Variants in RNF139 observed in about 807,000 individuals in gnomAD.
RNF139 encodes the protein E3 ubiquitin-protein ligase RNF139.
Under a neutral mutation model 49.5 loss-of-function variants are expected in RNF139, and 15 were observed. The ratio of observed to expected loss-of-function variants is 0.30; its 90% confidence interval spans 0.20 to 0.47. The LOEUF is 0.47. Among genes scored for constraint, RNF139 ranks in the 20% least tolerant of loss-of-function variants. The pLI is 1.00. For synonymous variants in RNF139, 325 were observed against 300.9 expected, an observed-to-expected ratio of 1.08 and a Z score of -0.83; for missense variants, 619 against 806.3, an observed-to-expected ratio of 0.77 and a Z score of 2.81.
intron 1 of RNF139, among the ~76,000 whole-genome samples, chr8:124,481,879 AAG>A (rs1816417374): frequency 3.9e-5 from 6 of 152,178 alleles, no homozygotes; most frequent in Non-Finnish European, 8.8e-5. Context: ...GGCCATGAGA[AAG>A]ATGATTACTT....
chr8:124,483,031 AT>A (rs1467973529), intron 1 of RNF139, among the ~76,000 whole-genome samples: 1 of 97,112 alleles, frequency 1.0e-5, no homozygotes, highest in Non-Finnish European at 1.9e-5. Context: ...ATATTTAAAT[AT>A]ATATATATTT....
chr8:124,475,243 G>A lies in RNF139; in HGVS notation c.134G>A (p.Ser45Asn). ...ATCTTCAACTCCTACCCGGATTCCAGCCAAAGCCGGTTCTGCATCGTGCTC... is the reference window on the plus strand; with the variant it reads ...ATCTTCAACTCCTACCCGGATTCCAACCAAAGCCGGTTCTGCATCGTGCTC... ...DAIFNSYPDSSQSRFCIVLQI... is the reference protein window; with the variant it reads ...DAIFNSYPDSNQSRFCIVLQI... Residue 45 changes from serine to asparagine, a missense_variant, in exon 1 of 2, where the codon AGC becomes AAC. By Grantham distance (46) the Ser-to-Asn change is conservative. Coordinates refer to ENST00000303545, the MANE Select transcript of RNF139 (RefSeq NM_007218.4). The A allele has an allele frequency of 6.2e-7, 1 of 1,613,668 alleles. No individual in the cohort carries two copies. Among genetic ancestry groups the A allele is most frequent in the African/African-American group, 1.3e-5 (1 of 75,014 alleles).
rs1816485487 is a variant in RNF139, at chr8:124,483,569, G to C, written c.182-2262G>C. Among the ~76,000 whole-genome samples the C allele has an allele frequency of 1.3e-5, 2 of 151,950 alleles. 1 individual carries two copies. The highest frequency in any genetic ancestry group is 1.3e-4 in the Admixed American group (2 of 15,220). ...CCCACCTCAACCCCCTGAGTAGCTG[G>C]GAGTACAGGCACGTGCTACCACCCT... On this transcript the variant is annotated intron_variant, in intron 1 of 1. Coordinates refer to ENST00000303545, the MANE Select transcript of RNF139 (RefSeq NM_007218.4).
intron 1 of RNF139, among the ~76,000 whole-genome samples, chr8:124,484,608 A>AT (rs958386653): frequency 1.3e-5 from 2 of 152,146 alleles, no homozygotes; most frequent in African/African-American, 4.8e-5. Context: ...AACTTTGGAG[A>AT]TTTGCAGTTG....
Position 124,487,487 on chromosome 8 carries a change from C to G in RNF139, c.1838C>G (p.Thr613Ser). 6.2e-7 allele frequency: 1 copy of G among 1,614,060 alleles called. No homozygotes were observed. Among genetic ancestry groups the G allele is most frequent in the Non-Finnish European group, 8.5e-7 (1 of 1,179,996 alleles). Residue 613 changes from threonine (T) to serine (S), a missense_variant, in exon 2 of 2, where the codon ACT (threonine) becomes AGT (serine). Thr to Ser is a moderately conservative substitution (Grantham distance 58). This residue lies in a region of RNF139 where 530 missense variants were observed against 728.9 expected (regional missense o/e 0.73). Transcript: ENST00000303545. Reference protein sequence around the residue: ...NNNGFIPPNETPEEAVREAAA... With the variant: ...NNNGFIPPNESPEEAVREAAA... ...AATGGATTTATTCCACCCAATGAAA[C>G]TCCAGAGGAAGCTGTAAGAGAAGCT...
At chr8:124,481,280 G>A (rs1816403220) in intron 1 of RNF139, among the ~76,000 whole-genome samples, 4 of 152,166 alleles carry the variant, frequency 2.6e-5, no homozygotes, top group Middle Eastern at 3.4e-3. Context: ...TATTTATTCT[G>A]TCAGGTATTG....
intron 1 of RNF139, among the ~76,000 whole-genome samples, chr8:124,482,155 A>G (rs1816424648): frequency 6.6e-6 from 1 of 152,142 alleles, no homozygotes; most frequent in Non-Finnish European, 1.5e-5. Context: ...TAGTCTTACT[A>G]CATTATTTGT....
At chr8:124,483,719 C>G (rs987365311) in intron 1 of RNF139, among the ~76,000 whole-genome samples, 1 of 152,070 alleles carries the variant, frequency 6.6e-6, no homozygotes, top group Non-Finnish European at 1.5e-5. Context: ...TGTGAGCCAC[C>G]ACACCCAGCC....
chr8:124,476,924 A>G (rs1586520170), intron 1 of RNF139, among the ~76,000 whole-genome samples: 2 of 152,210 alleles, frequency 1.3e-5, no homozygotes, highest in East Asian at 1.9e-4. Flanking sequence ...TTTTCCTTGT[A>G]CTAGGCATGT....
At chr8:124,475,847 C>T (rs1245233232) in intron 1 of RNF139, among the ~76,000 whole-genome samples, 1 of 152,138 alleles carries the variant, frequency 6.6e-6, no homozygotes, top group Non-Finnish European at 1.5e-5. Context: ...CTCATGAAAG[C>T]GGCGATGCTT....
At chr8:124,481,392 C>T (rs1816405301) in intron 1 of RNF139, among the ~76,000 whole-genome samples, 1 of 152,060 alleles carries the variant, frequency 6.6e-6, no homozygotes, top group East Asian at 1.9e-4. Context: ...CATAAGTTTC[C>T]AAAAGAGGGT....
chr8:124,478,865 G>A (rs1327313628), intron 1 of RNF139, among the ~76,000 whole-genome samples: 1 of 146,212 alleles, frequency 6.8e-6, no homozygotes, highest in Admixed American at 6.9e-5. Flanking sequence ...GATGATTACA[G>A]GCAAGCGCCA....
In RNF139 at chr8:124,486,186, G is replaced by A. The variant is rs776940823; in HGVS notation, c.537G>A (p.Leu179=). 3 of 1,614,138 alleles carry A rather than the reference G, an allele frequency of 1.9e-6. No homozygotes were observed. The Admixed American group carries it at 5.0e-5, about 27-fold the overall frequency. ...ELPLHIRETL[L]FTSSLILTLN... is the part of the protein sequence containing the mutation. ...CATTACACATCAGAGAGACTTTACT[G>A]TTTACTTCTTCCTTGATTCTCACAT... Residue 179 remains leucine, a synonymous_variant, in exon 2 of 2, where the codon CTG becomes CTA. Transcript: ENST00000303545.
intron 1 of RNF139, among the ~76,000 whole-genome samples, chr8:124,484,842 T>C (rs1336899674): frequency 6.6e-6 from 1 of 152,082 alleles, no homozygotes; most frequent in Non-Finnish European, 1.5e-5. Flanking sequence ...GAGTTGACTA[T>C]TTTAAGAAAC....
Position 124,487,186 on chromosome 8 carries a change from A to G in RNF139, c.1537A>G (p.Lys513Glu). The change falls in exon 2 of 2, where the codon AAA becomes GAA. Residue 513 changes from lysine (K) to glutamate (E), a missense_variant. Coordinates refer to ENST00000303545, the MANE Select transcript of RNF139 (RefSeq NM_007218.4). ...HAYFNIYLQA[K>E]NGWKTFMNRR... is the part of the protein sequence containing the mutation. The stretch of plus-strand genomic sequence containing the variant: ...ATATTTTAACATCTACTTACAAGCC[A>G]AAAATGGCTGGAAGACATTTATGAA... 6.2e-7 allele frequency: 1 copy of G among 1,613,976 alleles called. No individual in the cohort carries two copies. Among genetic ancestry groups the G allele is most frequent in the Non-Finnish European group, 8.5e-7 (1 of 1,179,992 alleles).
In RNF139 at chr8:124,486,366, A is replaced by G; in HGVS notation, c.717A>G (p.Arg239=). Residue 239 remains arginine, a synonymous_variant, in exon 2 of 2, where the codon CGA becomes CGG. Coordinates refer to ENST00000303545, the MANE Select transcript of RNF139 (RefSeq NM_007218.4). ...GGATTCGTTTCCCAGACATACTACG[A>G]GTCTTTTGGCTAACAAGAGTTACAG... is the stretch of plus-strand genomic sequence containing the variant. The part of the protein sequence containing the change: ...WKRIRFPDIL[R]VFWLTRVTAQ... 6.2e-7 allele frequency: 1 copy of G among 1,614,146 alleles called. No individual in the cohort carries two copies.
At position 124,475,211 on chromosome 8, in the gene RNF139, C is replaced by T. The variant is rs1032200050; in HGVS notation, c.102C>T (p.Ile34=). ...TCCGGGTGCCCTGCCTTTACATCAT[C>T]GACGCCATCTTCAACTCCTACCCGG... ...VALRVPCLYI[I]DAIFNSYPDS... is the part of the protein sequence containing the mutation. The change falls in exon 1 of 2, where the codon ATC becomes ATT. Residue 34 remains isoleucine (I), a synonymous_variant. Coordinates refer to ENST00000303545, the MANE Select transcript of RNF139 (RefSeq NM_007218.4). The T allele has an allele frequency of 6.2e-7, 1 of 1,613,372 alleles. No homozygotes were observed. Among genetic ancestry groups the T allele is most frequent in the Non-Finnish European group, 8.5e-7 (1 of 1,179,602 alleles).
rs559101963 is a variant in RNF139, at chr8:124,486,289, C to G, written c.640C>G (p.His214Asp). ...ACGATATGTTTATCTTTTGGTGAGGCACATGTATCGAATTTACGGATTACA... is the reference window on the plus strand; with the variant it reads ...ACGATATGTTTATCTTTTGGTGAGGGACATGTATCGAATTTACGGATTACA... ...STRYVYLLVR[H>D]MYRIYGLQLL... Residue 214 changes from histidine (H) to aspartate (D), a missense_variant, in exon 2 of 2, where the codon CAC becomes GAC. Around this residue, in one of 2 missense-constraint regions of RNF139, gnomAD observed 530 missense variants for 728.9 expected, o/e 0.73. Transcript: ENST00000303545. The G allele has an allele frequency of 6.2e-7, 1 of 1,614,050 alleles. No individual in the cohort carries two copies. The highest frequency in any genetic ancestry group is 8.5e-7 in the Non-Finnish European group (1 of 1,179,958).
At chr8:124,485,384 A>C (rs1816511299) in intron 1 of RNF139, among the ~76,000 whole-genome samples, 1 of 152,194 alleles carries the variant, frequency 6.6e-6, no homozygotes. Flanking sequence ...ATAATAAATG[A>C]ATCTAAAACT....
Sources: allele counts gnomAD v4.1 joint callset (sites outside exome capture counted in the v4.1 genomes callset), GRCh38; gene constraint gnomAD v4.1.1; regional missense constraint gnomAD v4.1.1; transcripts MANE v1.5; gene names NCBI Gene and HGNC (gene_info 2026-07-23, HGNC 2026-07-21).